Variants in MKLN1 observed in about 807,000 individuals in gnomAD.
MKLN1 encodes the protein muskelin.
Under a neutral mutation model 99.0 loss-of-function variants are expected in MKLN1, and 18 were observed. The ratio of observed to expected loss-of-function variants is 0.18; its 90% CI spans 0.13 to 0.27. The LOEUF (loss-of-function observed/expected upper bound fraction) is 0.27. Ranked by LOEUF, MKLN1 falls within the 10% of genes least tolerant of loss-of-function variation. The pLI is 1.00. For missense variants in MKLN1, 621 were observed against 875.9 expected, an observed-to-expected ratio of 0.71 and a Z score of 3.67; for synonymous variants, 288 against 293.2, an observed-to-expected ratio of 0.98 and a Z score of 0.18.
At chr7:131,282,548 G>A (rs1292434509) in intron 3 of MKLN1, among the ~76,000 whole-genome samples, 2 of 152,116 alleles carry the variant, frequency 1.3e-5, no homozygotes, top group East Asian at 1.9e-4. Context: ...GATGAGGAGG[G>A]ACGTGGAGGC....
chr7:131,421,859 A>G (rs1470052902), intron 8 of MKLN1, among the ~76,000 whole-genome samples: 2 of 152,206 alleles, frequency 1.3e-5, no homozygotes, highest in Non-Finnish European at 2.9e-5. Context: ...CTAAAAAACC[A>G]ATGTTATTTT....
At chr7:131,328,100 G>T (rs1442069924) in intron 1 of MKLN1, 103 bp downstream of exon 1, 1 of 1,402,954 alleles carries the variant, frequency 7.1e-7, no homozygotes, top group African/African-American at 1.4e-5. Context: ...CCCAGGCGGG[G>T]CCTGCTGAGG....
chr7:131,262,431 C>T (rs1476441318), intron 3 of MKLN1, among the ~76,000 whole-genome samples: 4 of 151,908 alleles, frequency 2.6e-5, no homozygotes, highest in African/African-American at 4.8e-5. Context: ...AGCGAGACTC[C>T]GTCTCAAAAA....
At chr7:131,473,899 C>T (rs1009335183) in intron 16 of MKLN1, among the ~76,000 whole-genome samples, 2 of 152,136 alleles carry the variant, frequency 1.3e-5, no homozygotes, top group South Asian at 2.1e-4. Flanking sequence ...CTGTAATCCC[C>T]GCACTTCAGG....
rs1161775556 is a variant in MKLN1, at chr7:131,192,668, A to G, written c.-296-10189A>G. ...ACAATTCTCCTGCCTCAGCCTCCTG[A>G]GTAGCTGGGACTACAGGCACCCACC... On this transcript the variant is annotated intron_variant, in intron 2 of 7. Coordinates refer to the MKLN1 transcript ENST00000416992. 5.9e-5 allele frequency among the ~76,000 whole-genome samples: 9 copies of G among 151,612 alleles called. No individual in the cohort carries two copies. In the East Asian group the frequency reaches 1.2e-3, roughly 19 times the overall value.
At chr7:131,245,075 C>T (rs1326508001) in intron 3 of MKLN1, among the ~76,000 whole-genome samples, 1 of 152,074 alleles carries the variant, frequency 6.6e-6, no homozygotes, top group Admixed American at 6.5e-5. Context: ...TATAAAAAAG[C>T]CCAGTGACAT....
At chr7:131,365,532 G>A (rs1159354282) in intron 1 of MKLN1, among the ~76,000 whole-genome samples, 1 of 152,058 alleles carries the variant, frequency 6.6e-6, no homozygotes, top group African/African-American at 2.4e-5. Flanking sequence ...TTACGTCCAG[G>A]GTGGTATTGC....
chr7:131,369,180 A>G (rs1800271930), intron 1 of MKLN1, among the ~76,000 whole-genome samples: 2 of 152,202 alleles, frequency 1.3e-5, no homozygotes, highest in African/African-American at 2.4e-5. Flanking sequence ...TGCTACTTCA[A>G]AAAATGCGGC....
At chr7:131,345,065 C>T (rs758530263) in intron 1 of MKLN1, among the ~76,000 whole-genome samples, 3 of 152,184 alleles carry the variant, frequency 2.0e-5, no homozygotes, top group Non-Finnish European at 4.4e-5. Context: ...CTTGGCCTCC[C>T]AAAGTGCTGG....
intron 3 of MKLN1, among the ~76,000 whole-genome samples, chr7:131,281,861 T>TG (rs1342286221): frequency 6.6e-6 from 1 of 151,946 alleles, no homozygotes; most frequent in Non-Finnish European, 1.5e-5. Flanking sequence ...TTTGCAAAGA[T>TG]GGGGGTCTCA....
intron 2 of MKLN1, among the ~76,000 whole-genome samples, chr7:131,196,385 T>C (rs1040585654): frequency 6.6e-6 from 1 of 152,180 alleles, no homozygotes; most frequent in Non-Finnish European, 1.5e-5. Context: ...GTCAATCAAG[T>C]GGGCATTCAT....
chr7:131,453,259 TAATG>T (rs1447953109), intron 12 of MKLN1, among the ~76,000 whole-genome samples: 1 of 152,216 alleles, frequency 6.6e-6, no homozygotes, highest in Non-Finnish European at 1.5e-5. Context: ...TTTTGAAAGT[TAATG>T]AAGTAGTACT....
At chr7:131,301,471 TA>T (rs1798376343) in intron 3 of MKLN1, among the ~76,000 whole-genome samples, 1 of 152,196 alleles carries the variant, frequency 6.6e-6, no homozygotes, top group Non-Finnish European at 1.5e-5. Context: ...AGGTCTCTAT[TA>T]AAAAATTATG....
rs71174945 is a variant in MKLN1 at position 131,386,014 on chromosome 7, C to CTT, written c.169-1090_169-1089dup. On this transcript the variant is annotated intron_variant, in intron 2 of 17. Transcript: ENST00000352689. ...TAGCTCTTACATTTAGGTCTTCAGTCTTTTTTTTTTTTTTTTTGAGCTAGA... is the reference window on the plus strand; with the variant it reads ...TAGCTCTTACATTTAGGTCTTCAGTCTTTTTTTTTTTTTTTTTTTGAGCTAGA... 1.2e-3 allele frequency among the ~76,000 whole-genome samples: 156 copies of CTT among 132,924 alleles called. 1 individual carries two copies. The highest frequency in any genetic ancestry group is 5.1e-3 in the Admixed American group (67 of 13,102). The allele number at this position is 132,924 out of a possible 152,430, so 87.2% of individuals were successfully genotyped here. A position where few individuals can be genotyped will look rare whatever the true frequency, so the allele number is the denominator to read the frequency against.
chr7:131,281,160 T>G (rs1021565176), intron 3 of MKLN1, among the ~76,000 whole-genome samples: 1 of 152,222 alleles, frequency 6.6e-6, no homozygotes, highest in Admixed American at 6.5e-5. Flanking sequence ...GATAGGAGTT[T>G]TATAGTTTTA....
At chr7:131,418,261 C>CG (rs924967024) in intron 8 of MKLN1, among the ~76,000 whole-genome samples, 1 of 148,712 alleles carries the variant, frequency 6.7e-6, no homozygotes, top group East Asian at 2.0e-4. Flanking sequence ...CCCAGCTACT[C>CG]GGGGGGCCGA....
At chr7:131,463,844 A>G (rs942023236) in intron 13 of MKLN1, among the ~76,000 whole-genome samples, 3 of 152,226 alleles carry the variant, frequency 2.0e-5, no homozygotes, top group African/African-American at 4.8e-5. Context: ...TGATTGCTCC[A>G]TAAGTGAATA....
rs556033297 is a variant in MKLN1, at chr7:131,122,043, T to A, written c.-419+11836T>A. 3.3e-5 allele frequency among the ~76,000 whole-genome samples: 5 copies of A among 152,336 alleles called. No homozygotes were observed. The South Asian group carries it at 6.2e-4, about 19-fold the overall frequency. On this transcript the variant is annotated intron_variant, in intron 1 of 7. Coordinates refer to the MKLN1 transcript ENST00000416992. ...ACACTGCCAAAAGGTCAAGAAAGAT[T>A]ATTTTAATTTGTTTCTCTCGTAAGC...
At chr7:131,345,816 C>G (rs1296377280) in intron 1 of MKLN1, among the ~76,000 whole-genome samples, 1 of 152,170 alleles carries the variant, frequency 6.6e-6, no homozygotes, top group African/African-American at 2.4e-5. Context: ...TTTGAAAGTA[C>G]ACGTGTCTTT....
Sources: gnomAD v4.1 joint callset for allele counts (sites outside exome capture counted in the v4.1 genomes callset) on GRCh38, gnomAD v4.1.1 for gene constraint, MANE v1.5 for transcripts, NCBI Gene and HGNC (gene_info 2026-07-23, HGNC 2026-07-21) for gene names.